PTPRK: variants seen among roughly 807,000 people sequenced by gnomAD.
PTPRK encodes protein tyrosine phosphatase receptor type K.
Under a neutral mutation model 178.0 loss-of-function variants are expected in PTPRK, and 75 were observed. The ratio of observed to expected loss-of-function variants is 0.42; its 90% confidence interval spans 0.35 to 0.51. The LOEUF (loss-of-function observed/expected upper bound fraction) is 0.51. Among genes scored for constraint, PTPRK ranks in the 20% least tolerant of loss-of-function variants. The pLI is 0.02. For synonymous variants in PTPRK, 637 were observed against 620.6 expected, an observed-to-expected ratio of 1.03 and a Z score of -0.39; for missense variants, 1,441 against 1,797.8, an observed-to-expected ratio of 0.80 and a Z score of 3.59.
intron 12 of PTPRK, among the ~76,000 whole-genome samples, chr6:128,066,605 C>T (rs907399293): frequency 2.0e-5 from 3 of 151,996 alleles, no homozygotes; most frequent in African/African-American, 4.8e-5. Context: ...ATTTCCTATA[C>T]GGCTTCAAGT....
At chr6:128,375,387 T>A (rs1008980898) in intron 2 of PTPRK, among the ~76,000 whole-genome samples, 2 of 151,590 alleles carry the variant, frequency 1.3e-5, no homozygotes, top group Admixed American at 6.6e-5. Flanking sequence ...AGAGAGCTTG[T>A]GCAGGGAAAC....
In PTPRK at chr6:128,226,761, C is replaced by CATATATATATAT. The variant is rs71028117; in HGVS notation, c.694-7677_694-7666dup. On this transcript the variant is annotated intron_variant, in intron 5 of 29. Transcript: ENST00000368226. ...ATATGTAATCTTATAATTATATAGA[C>CATATATATATAT]ATATATATATATATATATATATATA... is the stretch of plus-strand genomic sequence containing the variant. Among the ~76,000 whole-genome samples the CATATATATATAT allele has an allele frequency of 7.3e-3, 803 of 109,426 alleles. 8 individuals carry two copies. The highest frequency in any genetic ancestry group is 0.013 in the Middle Eastern group (2 of 154). The allele number at this position is 109,426 out of a possible 152,430, so 71.8% of individuals were successfully genotyped here. A position where few individuals can be genotyped will look rare whatever the true frequency, so the allele number is the denominator to read the frequency against.
At position 128,519,626 on chromosome 6, in the gene PTPRK, C is replaced by T. The variant is rs1206096707; in HGVS notation, c.100+633G>A. Among the ~76,000 whole-genome samples, 1 of 152,206 alleles carries T rather than the reference C, an allele frequency of 6.6e-6. No homozygotes were observed. The highest frequency in any genetic ancestry group is 1.5e-5 in the Non-Finnish European group (1 of 68,042). On this transcript the variant is annotated intron_variant, in intron 1 of 29. Coordinates refer to ENST00000368226, the MANE Select transcript of PTPRK (RefSeq NM_002844.4). This position sits in a 1 kb window ranked among gnomAD's most constrained non-coding sequence, Gnocchi z 4.3. ...AGAGTGGGTCCTTAGAACCGCATTT[C>T]AACACATCTTACAGGGCTCCGCCAA...
At chr6:128,143,056 T>C (rs1796000163) in intron 7 of PTPRK, among the ~76,000 whole-genome samples, 1 of 152,150 alleles carries the variant, frequency 6.6e-6, no homozygotes, top group Non-Finnish European at 1.5e-5. Context: ...TGTCTAAAAT[T>C]GATTGGTCCT....
chr6:128,328,902 T>C (rs1372636792), intron 2 of PTPRK, among the ~76,000 whole-genome samples: 7 of 152,188 alleles, frequency 4.6e-5, no homozygotes, highest in Admixed American at 2.0e-4. Flanking sequence ...TCTGTCTCAA[T>C]AGAAGGCAAT....
chr6:128,199,679 C>T (rs1805560890), intron 6 of PTPRK, among the ~76,000 whole-genome samples: 1 of 152,106 alleles, frequency 6.6e-6, no homozygotes, highest in East Asian at 1.9e-4. Flanking sequence ...CCAACCCCCG[C>T]AAGGGCCACT....
intron 1 of PTPRK, among the ~76,000 whole-genome samples, chr6:128,411,154 A>C (rs1201466444): frequency 6.6e-6 from 1 of 152,084 alleles, no homozygotes; most frequent in Non-Finnish European, 1.5e-5. Flanking sequence ...CAGCCTCTCA[A>C]AGTACTGGGA....
At chr6:128,093,596 CAAAAAAA>C (rs1172145765) in intron 7 of PTPRK, among the ~76,000 whole-genome samples, 7 of 6,270 alleles carry the variant, frequency 1.1e-3, no homozygotes, top group East Asian at 0.011. Context: ...GACTCTCTCT[CAAAAAAA>C]AAAAAAAAAA....
chr6:128,094,912 C>T (rs1340468997), intron 7 of PTPRK, among the ~76,000 whole-genome samples: 2 of 151,802 alleles, frequency 1.3e-5, no homozygotes, highest in African/African-American at 4.8e-5. Context: ...GAAGAGGATG[C>T]TCTGAGAGAG....
chr6:128,204,649 C>T (rs1341653888), intron 6 of PTPRK, among the ~76,000 whole-genome samples: 1 of 140,448 alleles, frequency 7.1e-6, no homozygotes. Flanking sequence ...AGGCAGCCAA[C>T]AAACATGAAA....
Position 128,016,703 on chromosome 6 carries a change from C to T in PTPRK, c.2195-7435G>A, listed in dbSNP as rs576933894. On this transcript the variant is annotated intron_variant, in intron 13 of 29. Transcript: ENST00000368226. The stretch of plus-strand genomic sequence containing the variant: ...GTTAGGGCCTATTGTTTAAGAAGCT[C>T]CTTCAAAGCTGAGTTTTTCAAAAAT... Among the ~76,000 whole-genome samples the T allele has an allele frequency of 2.0e-5, 3 of 151,848 alleles. No homozygotes were observed. In the East Asian group the frequency reaches 5.8e-4, roughly 29 times the overall value.
chr6:128,324,185 C>T (rs989109007), intron 2 of PTPRK, among the ~76,000 whole-genome samples: 1 of 152,068 alleles, frequency 6.6e-6, no homozygotes, highest in South Asian at 2.1e-4. Context: ...AGTTCCACCC[C>T]CTCCCCTCAG....
At chr6:128,301,382 AT>A (rs1478072873) in intron 3 of PTPRK, among the ~76,000 whole-genome samples, 14 of 152,116 alleles carry the variant, frequency 9.2e-5, no homozygotes, top group East Asian at 3.8e-4. Context: ...TTAAAAAAAA[AT>A]AATAGGTAAA....
At chr6:128,399,108 A>C (rs1227030205) in intron 1 of PTPRK, among the ~76,000 whole-genome samples, 1 of 152,194 alleles carries the variant, frequency 6.6e-6, no homozygotes, top group Non-Finnish European at 1.5e-5. Flanking sequence ...CAGTTTCCAT[A>C]GGGATCTCTG....
chr6:128,096,600 T>A lies in PTPRK; in HGVS notation c.1163-6608A>T, dbSNP rs764736094. Among the ~76,000 whole-genome samples, 112 of 152,118 alleles carry A rather than the reference T, an allele frequency of 7.4e-4. 4 individuals carry two copies. The highest frequency in any genetic ancestry group is 2.4e-4 in the Non-Finnish European group (16 of 68,026). On this transcript the variant is annotated intron_variant, in intron 7 of 29. Transcript: ENST00000368226. ...CTGTCAGTCAGAGAAAAATAGAAGA[T>A]GTCCCAAAGCTCGTGCCAAGGAAAA...
At chr6:127,980,632 C>T (rs1255470006) in intron 25 of PTPRK, among the ~76,000 whole-genome samples, 1 of 152,130 alleles carries the variant, frequency 6.6e-6, no homozygotes, top group Non-Finnish European at 1.5e-5. Flanking sequence ...TAACATAATA[C>T]CATCCATCCC....
chr6:128,240,400 G>GT lies in PTPRK; in HGVS notation c.578-251dup, dbSNP rs5879882. Reference sequence around the variant, plus strand: ...TTGCTGGAGTATTGTTCTCTACAGAGTGAGCACTCAACAATTGCTGCTGAA... The same window carrying GT: ...TTGCTGGAGTATTGTTCTCTACAGAGTTGAGCACTCAACAATTGCTGCTGAA... On this transcript the variant is annotated intron_variant, in intron 4 of 29. Transcript: ENST00000368226. Among the ~76,000 whole-genome samples, 430 of 152,196 alleles carry GT rather than the reference G, an allele frequency of 2.8e-3. 2 individuals are homozygous for GT. Among genetic ancestry groups the GT allele is most frequent in the African/African-American group, 9.9e-3 (410 of 41,524 alleles).
intron 8 of PTPRK, among the ~76,000 whole-genome samples, chr6:128,089,247 A>G (rs376958551): frequency 9.2e-5 from 14 of 152,324 alleles, no homozygotes; most frequent in African/African-American, 3.4e-4. Flanking sequence ...TACAGGCATG[A>G]ACCACTACAC....
intron 1 of PTPRK, among the ~76,000 whole-genome samples, chr6:128,462,337 G>T (rs1293604512): frequency 6.6e-6 from 1 of 152,026 alleles, no homozygotes; most frequent in Non-Finnish European, 1.5e-5. Context: ...ATCACATGTT[G>T]TTTATTTTAA....
Sources: allele counts gnomAD v4.1 joint callset (sites outside exome capture counted in the v4.1 genomes callset), GRCh38; gene constraint gnomAD v4.1.1; non-coding constraint Gnocchi (gnomAD v3.1); transcripts MANE v1.5; gene names NCBI Gene and HGNC (gene_info 2026-07-23, HGNC 2026-07-21).